RALGAPA2: variants seen among roughly 807,000 people sequenced by gnomAD.
The protein encoded by RALGAPA2 is Ral GTPase activating protein catalytic subunit alpha 2, also known as ral GTPase-activating protein subunit alpha-2.
A neutral mutation model predicts 230.4 loss-of-function variants in RALGAPA2; 139 were observed. That is an observed-to-expected ratio of 0.60 (90% CI 0.53 to 0.69). The LOEUF (loss-of-function observed/expected upper bound fraction) is 0.69, where lower values mean the gene tolerates loss of function less well. RALGAPA2 is among the 30% of genes least tolerant of loss of function. RALGAPA2 has a pLI of 0.00. For missense variants in RALGAPA2, 2,163 were observed against 2,276.0 expected, an observed-to-expected ratio of 0.95 and a Z score of 1.01; for synonymous variants, 847 against 837.8, an observed-to-expected ratio of 1.01 and a Z score of -0.19.
At chr20:20,400,925 C>T (rs996344054) in intron 38 of RALGAPA2, among the ~76,000 whole-genome samples, 2 of 152,166 alleles carry the variant, frequency 1.3e-5, no homozygotes, top group African/African-American at 4.8e-5. Context: ...AAGTCAGCCA[C>T]CAAAGACCAC....
At chr20:20,583,717 C>T (rs987103278) in intron 19 of RALGAPA2, among the ~76,000 whole-genome samples, 1 of 152,172 alleles carries the variant, frequency 6.6e-6, no homozygotes, top group Non-Finnish European at 1.5e-5. Flanking sequence ...TGTCCCAATA[C>T]AACAGATTTT....
chr20:20,465,713 T>G (rs1425319754), intron 37 of RALGAPA2, among the ~76,000 whole-genome samples: 3 of 152,136 alleles, frequency 2.0e-5, no homozygotes, highest in Non-Finnish European at 4.4e-5. Context: ...TCCTGCACCT[T>G]CGCACTTCTC....
At chr20:20,546,344 T>G (rs1166027470) in intron 24 of RALGAPA2, among the ~76,000 whole-genome samples, 5 of 152,308 alleles carry the variant, frequency 3.3e-5, no homozygotes, top group Admixed American at 1.3e-4. Context: ...AAAAAAAAAC[T>G]TACTGCTAAT....
At chr20:20,606,462 T>C (rs1272004368) in intron 14 of RALGAPA2, among the ~76,000 whole-genome samples, 3 of 152,190 alleles carry the variant, frequency 2.0e-5, no homozygotes, top group Non-Finnish European at 4.4e-5. Context: ...AGGTATTCAA[T>C]TTCTTCCACT....
At chr20:20,402,523 C>T (rs571810618) in intron 38 of RALGAPA2, among the ~76,000 whole-genome samples, 4 of 152,294 alleles carry the variant, frequency 2.6e-5, no homozygotes, top group South Asian at 4.1e-4. Context: ...CTGAGCTCCA[C>T]GTTCTGCCTG....
chr20:20,643,602 G>C (rs2067113538), intron 4 of RALGAPA2, 53 bp from the exon 5 acceptor site: 1 of 1,332,756 alleles, frequency 7.5e-7, no homozygotes, highest in Admixed American at 3.0e-5. Flanking sequence ...GCATATCAAA[G>C]ATCTATTTTA....
At chr20:20,629,265 G>T in intron 10 of RALGAPA2, 98 bp downstream of exon 10, 1 of 942,418 alleles carries the variant, frequency 1.1e-6, no homozygotes. Flanking sequence ...CTATTTGTTG[G>T]CGTGTTACAA....
At chr20:20,470,843 A>C (rs2061523096) in intron 37 of RALGAPA2, 1 of 152,140 alleles carries the variant, frequency 6.6e-6, no homozygotes, top group South Asian at 2.1e-4. Context: ...GCCCTTCTGC[A>C]GACAGAAATT....
At chr20:20,651,930 A>G (rs1014082476) in intron 4 of RALGAPA2, among the ~76,000 whole-genome samples, 1 of 152,186 alleles carries the variant, frequency 6.6e-6, no homozygotes, top group Non-Finnish European at 1.5e-5. Flanking sequence ...CCTTACATTT[A>G]AATTTTTATT....
At chr20:20,699,847 C>T (rs1568771721) in intron 1 of RALGAPA2, among the ~76,000 whole-genome samples, 1 of 152,262 alleles carries the variant, frequency 6.6e-6, no homozygotes, top group Non-Finnish European at 1.5e-5. Flanking sequence ...AACACTTATA[C>T]ACTGTTGGTG....
At chr20:20,613,041 T>C (rs1047174988) in intron 13 of RALGAPA2, among the ~76,000 whole-genome samples, 6 of 152,214 alleles carry the variant, frequency 3.9e-5, no homozygotes, top group African/African-American at 1.4e-4. Context: ...AACAGTTAAT[T>C]TGATTTCTGA....
intron 13 of RALGAPA2, 42 bp from the exon 14 acceptor site, chr20:20,611,468 T>C (rs754703440): frequency 1.3e-6 from 2 of 1,583,182 alleles, no homozygotes; most frequent in South Asian, 2.3e-5. Context: ...TAATCATGTC[T>C]CCAAAGCACT....
At chr20:20,423,337 T>A (rs904070052) in intron 37 of RALGAPA2, among the ~76,000 whole-genome samples, 1 of 151,868 alleles carries the variant, frequency 6.6e-6, no homozygotes, top group Non-Finnish European at 1.5e-5. Flanking sequence ...GAGATGAGCT[T>A]GAAGGAGAAA....
intron 36 of RALGAPA2, 84 bp downstream of exon 36, chr20:20,495,033 A>G: frequency 2.3e-6 from 3 of 1,292,860 alleles, no homozygotes; most frequent in Non-Finnish European, 3.2e-6. Context: ...CCCCTTTAAC[A>G]TATTTGTATC....
In RALGAPA2 at chr20:20,676,343, T is replaced by C. The variant is rs1255513521; in HGVS notation, c.218-55A>G. On this transcript the variant is annotated intron_variant, in intron 2 of 39. Coordinates refer to ENST00000202677, the MANE Select transcript of RALGAPA2 (RefSeq NM_020343.4). ...TGACATCATTTAAACTTCAGGACACTACAAATTATGCTAAAAGGCAGCTTA... is the reference window on the plus strand; with the variant it reads ...TGACATCATTTAAACTTCAGGACACCACAAATTATGCTAAAAGGCAGCTTA... 3 of 1,215,586 alleles carry C rather than the reference T, an allele frequency of 2.5e-6. No homozygotes were observed. The African/African-American group carries it at 4.6e-5, about 19-fold the overall frequency. 75.3% of individuals were successfully genotyped at this position (1,215,586 alleles called of 1,614,324 possible).
In RALGAPA2 at chr20:20,712,048, G is replaced by A. The variant is rs1476482134; in HGVS notation, c.106+327C>T. Among the ~76,000 whole-genome samples, 1 of 152,144 alleles carries A rather than the reference G, an allele frequency of 6.6e-6. No homozygotes were observed. Among genetic ancestry groups the A allele is most frequent in the Non-Finnish European group, 1.5e-5 (1 of 68,034 alleles). ...TGACAGTTCAATGTGTGCACGTGAT[G>A]ACCACTTGGGATCCAGTTCACTTGC... On this transcript the variant is annotated intron_variant, in intron 1 of 39. Coordinates refer to ENST00000202677, the MANE Select transcript of RALGAPA2 (RefSeq NM_020343.4). The surrounding 1 kb of genome is among the most constrained non-coding windows in gnomAD (Gnocchi z 5.5).
intron 38 of RALGAPA2, among the ~76,000 whole-genome samples, chr20:20,410,148 T>C (rs946244546): frequency 3.9e-5 from 6 of 152,232 alleles, no homozygotes; most frequent in African/African-American, 1.4e-4. Context: ...TATGACGTTC[T>C]TGAAGAAGCC....
At chr20:20,619,451 T>C (rs755619254) in intron 11 of RALGAPA2, 37 bp from the exon 12 acceptor site, 1 of 1,454,878 alleles carries the variant, frequency 6.9e-7, no homozygotes, top group Non-Finnish European at 9.1e-7. Context: ...GAGTGGAAGA[T>C]GCACGTGTTT....
intron 23 of RALGAPA2, among the ~76,000 whole-genome samples, chr20:20,557,263 C>T (rs1253555803): frequency 2.0e-5 from 3 of 151,844 alleles, no homozygotes; most frequent in African/African-American, 4.8e-5. Flanking sequence ...GAGCCAAGAT[C>T]GTGCCACTGC....
Sources: gnomAD v4.1 joint callset for allele counts (sites outside exome capture counted in the v4.1 genomes callset) on GRCh38, gnomAD v4.1.1 for gene constraint, Gnocchi (gnomAD v3.1) non-coding constraint, MANE v1.5 for transcripts, NCBI Gene and HGNC (gene_info 2026-07-23, HGNC 2026-07-21) for gene names.